Variants in DPYSL2 observed in about 807,000 individuals in gnomAD.
DPYSL2 encodes the protein dihydropyrimidinase like 2.
DPYSL2 carries 13 observed loss-of-function variants against 69.9 expected under a neutral mutation model. The ratio of observed to expected loss-of-function variants is 0.19; its 90% CI spans 0.12 to 0.30. The LOEUF is 0.30. DPYSL2 is among the 10% of genes least tolerant of loss of function. DPYSL2 has a pLI of 1.00. For synonymous variants in DPYSL2, 326 were observed against 359.1 expected, an observed-to-expected ratio of 0.91 and a Z score of 1.04; for missense variants, 587 against 918.9, an observed-to-expected ratio of 0.64 and a Z score of 4.67.
At position 26,598,442 on chromosome 8, in the gene DPYSL2, C is replaced by T. The variant is rs1045359296; in HGVS notation, c.628+14459C>T. On this transcript the variant is annotated intron_variant, in intron 3 of 13. Transcript: ENST00000521913. This position sits in a 1 kb window ranked among gnomAD's most constrained non-coding sequence, Gnocchi z 4.2. ...GTTTTTTAGAGAGTTCTTTTCCCTC[C>T]TGCTCTATGAAAACGTATTTTCCAT... Among the ~76,000 whole-genome samples the T allele has an allele frequency of 3.3e-5, 5 of 152,146 alleles. No homozygotes were observed. The highest frequency in any genetic ancestry group is 1.2e-4 in the African/African-American group (5 of 41,422).
chr8:26,630,095 T>C (rs1563417804), intron 7 of DPYSL2, among the ~76,000 whole-genome samples: 1 of 152,154 alleles, frequency 6.6e-6, no homozygotes. Flanking sequence ...TACCCACGTA[T>C]TTTCACATAC....
At chr8:26,561,847 C>T (rs755221836) in intron 1 of DPYSL2, among the ~76,000 whole-genome samples, 10 of 152,092 alleles carry the variant, frequency 6.6e-5, no homozygotes, top group Non-Finnish European at 1.5e-4. Context: ...GGAGCTCAGG[C>T]GGTAATGCTG....
intron 1 of DPYSL2, among the ~76,000 whole-genome samples, chr8:26,541,740 T>G (rs1398397652): frequency 1.3e-5 from 2 of 152,006 alleles, no homozygotes; most frequent in Admixed American, 1.3e-4. Flanking sequence ...AATAGAAGGT[T>G]AAAAACTGTA....
intron 1 of DPYSL2, among the ~76,000 whole-genome samples, chr8:26,529,303 C>CTATCATCT (rs767380603): frequency 3.4e-5 from 5 of 147,588 alleles, no homozygotes; most frequent in African/African-American, 1.3e-4. Context: ...ATCTATCTAT[C>CTATCATCT]ATCTATCTAT....
rs1253800287 is a variant in DPYSL2 at position 26,555,813 on chromosome 8, G to A, written c.355-26156G>A. Among the ~76,000 whole-genome samples, 4 of 149,842 alleles carry A rather than the reference G, an allele frequency of 2.7e-5. No individual in the cohort carries two copies. The Admixed American group carries it at 2.7e-4, about 10-fold the overall frequency. On this transcript the variant is annotated intron_variant, in intron 1 of 13. Coordinates refer to ENST00000521913, the MANE Select transcript of DPYSL2 (RefSeq NM_001197293.3). ...GAGTTGGAAAGATTGCTTGAGCCTG[G>A]GAGACAGAGGTTGCAGTGAGCCATG... is the stretch of plus-strand genomic sequence containing the variant.
intron 8 of DPYSL2, among the ~76,000 whole-genome samples, chr8:26,639,915 G>A (rs1302627426): frequency 6.6e-6 from 1 of 152,174 alleles, no homozygotes; most frequent in African/African-American, 2.4e-5. Context: ...TTTTTAAGAT[G>A]ATGTTCTTCT....
Position 26,630,587 on chromosome 8 carries a change from A to G in DPYSL2, c.1005+2647A>G, listed in dbSNP as rs1162722233. 4.4e-5 allele frequency among the ~76,000 whole-genome samples: 6 copies of G among 137,510 alleles called. 1 individual carries two copies. In the South Asian group the frequency reaches 1.4e-3, roughly 32 times the overall value. The allele number at this position is 137,510 out of a possible 152,430, so 90.2% of individuals were successfully genotyped here. On this transcript the variant is annotated intron_variant, in intron 7 of 13. Transcript: ENST00000521913. ...TTTGTAACTGTCCTGTGCAGGAGGT[A>G]CAACATCTCCTTCCCACAACTCCAG...
In DPYSL2 at chr8:26,581,968, G is replaced by T; in HGVS notation, c.355-1G>T. The T allele has an allele frequency of 6.2e-7, 1 of 1,613,556 alleles. No homozygotes were observed. Among genetic ancestry groups the T allele is most frequent in the South Asian group, 1.1e-5 (1 of 91,056 alleles). On this transcript the variant is annotated splice_acceptor_variant, in intron 1 of 13. Coordinates refer to ENST00000521913, the MANE Select transcript of DPYSL2 (RefSeq NM_001197293.3). LOFTEE classifies it high-confidence loss of function. ...GTGACCTTACTGCCTCTTTGTTTCA[G>T]AGCGATCGTCTTCTGATCAAAGGAG...
chr8:26,604,621 C>T (rs1302184964), intron 3 of DPYSL2, among the ~76,000 whole-genome samples: 1 of 151,980 alleles, frequency 6.6e-6, no homozygotes, highest in African/African-American at 2.4e-5. Flanking sequence ...TGGACGTTAG[C>T]TATCTTCATC....
chr8:26,583,140 T>G (rs1327427527), intron 2 of DPYSL2, among the ~76,000 whole-genome samples: 1 of 152,180 alleles, frequency 6.6e-6, no homozygotes, highest in Admixed American at 6.5e-5. Context: ...AGATTAATAT[T>G]CCTTTTAAAA....
At chr8:26,602,902 A>G (rs1263850060) in intron 3 of DPYSL2, among the ~76,000 whole-genome samples, 1 of 152,234 alleles carries the variant, frequency 6.6e-6, no homozygotes, top group Non-Finnish European at 1.5e-5. Context: ...GCTTCAGCCA[A>G]TAGGTCCTAT....
chr8:26,578,709 A>T (rs574905471), intron 1 of DPYSL2, among the ~76,000 whole-genome samples: 1 of 152,148 alleles, frequency 6.6e-6, no homozygotes, highest in South Asian at 2.1e-4. Context: ...GGAGATGGGG[A>T]CTTGGATCCT....
rs1801052851 is a variant in DPYSL2 at position 26,560,448 on chromosome 8, C to G, written c.355-21521C>G. On this transcript the variant is annotated intron_variant, in intron 1 of 13. Transcript: ENST00000521913. This position sits in a 1 kb window ranked among gnomAD's most constrained non-coding sequence, Gnocchi z 4.4. ...CACCTATCTGCAGGTCTGGGAAGGT[C>G]TGGACCTCCATTTACTCGATGTTGA... Among the ~76,000 whole-genome samples the G allele has an allele frequency of 6.6e-6, 1 of 152,182 alleles. No homozygotes were observed. Among genetic ancestry groups the G allele is most frequent in the African/African-American group, 2.4e-5 (1 of 41,448 alleles).
intron 1 of DPYSL2, among the ~76,000 whole-genome samples, chr8:26,576,376 C>A (rs1801343963): frequency 6.6e-6 from 1 of 152,006 alleles, no homozygotes; most frequent in Admixed American, 6.6e-5. Flanking sequence ...TTCCCCCACC[C>A]CCCAGCCCAT....
intron 1 of DPYSL2, among the ~76,000 whole-genome samples, chr8:26,572,923 G>A (rs1307865425): frequency 2.0e-5 from 3 of 152,210 alleles, no homozygotes; most frequent in African/African-American, 4.8e-5. Context: ...GGTTTACTGC[G>A]ATGAATGGGA....
chr8:26,614,685 G>A lies in DPYSL2; in HGVS notation c.629-9458G>A, dbSNP rs1270801351. Among the ~76,000 whole-genome samples the A allele has an allele frequency of 2.6e-5, 4 of 152,278 alleles. No individual in the cohort carries two copies. The highest frequency in any genetic ancestry group is 4.1e-4 in the South Asian group (2 of 4,824). On this transcript the variant is annotated intron_variant, in intron 3 of 13. Coordinates refer to ENST00000521913, the MANE Select transcript of DPYSL2 (RefSeq NM_001197293.3). This position sits in a 1 kb window ranked among gnomAD's most constrained non-coding sequence, Gnocchi z 4.9. ...TCTAGATGCTGAACAATGACCGATG[G>A]TGCCACTTGATTTATATGAAGATAC...
At chr8:26,628,167 T>G (rs529771686) in intron 7 of DPYSL2, among the ~76,000 whole-genome samples, 2 of 152,358 alleles carry the variant, frequency 1.3e-5, no homozygotes, top group East Asian at 3.9e-4. Context: ...CAGAAGATTC[T>G]TCTTTCTGTC....
rs1446387429 is a variant in DPYSL2 at position 26,564,183 on chromosome 8, A to G, written c.355-17786A>G. 1.3e-5 allele frequency among the ~76,000 whole-genome samples: 2 copies of G among 152,224 alleles called. No homozygotes were observed. The highest frequency in any genetic ancestry group is 2.9e-5 in the Non-Finnish European group (2 of 68,044). On this transcript the variant is annotated intron_variant, in intron 1 of 13. Coordinates refer to ENST00000521913, the MANE Select transcript of DPYSL2 (RefSeq NM_001197293.3). This position sits in a 1 kb window ranked among gnomAD's most constrained non-coding sequence, Gnocchi z 4.8. ...AAGTGCGCATTAGCTTCCAATTAGC[A>G]TGCTGTTTGCCCAAGCTTTTCTAAT...
rs1408546194 is a variant in DPYSL2, at chr8:26,641,805, C to T, written c.1127-1634C>T. Among the ~76,000 whole-genome samples, 1 of 152,172 alleles carries T rather than the reference C, an allele frequency of 6.6e-6. No homozygotes were observed. The highest frequency in any genetic ancestry group is 1.5e-5 in the Non-Finnish European group (1 of 68,038). On this transcript the variant is annotated intron_variant, in intron 8 of 13. Coordinates refer to ENST00000521913, the MANE Select transcript of DPYSL2 (RefSeq NM_001197293.3). This position sits in a 1 kb window ranked among gnomAD's most constrained non-coding sequence, Gnocchi z 4.1. ...TTGCTGGTGGCCTGGAGTGAGCTGCCTGCTGTGGCCTCCAGCACTCCCCAG... is the reference window on the plus strand; with the variant it reads ...TTGCTGGTGGCCTGGAGTGAGCTGCTTGCTGTGGCCTCCAGCACTCCCCAG...
Sources: allele counts gnomAD v4.1 joint callset (sites outside exome capture counted in the v4.1 genomes callset), GRCh38; gene constraint gnomAD v4.1.1; non-coding constraint Gnocchi (gnomAD v3.1); transcripts MANE v1.5; gene names NCBI Gene and HGNC (gene_info 2026-07-23, HGNC 2026-07-21).